DISC1: variants seen among roughly 807,000 people sequenced by gnomAD.
DISC1 encodes the protein disrupted in schizophrenia 1 protein.
DISC1 carries 57 observed loss-of-function variants against 84.5 expected under a neutral mutation model. That is an observed-to-expected ratio of 0.67 (90% confidence interval 0.55 to 0.84). The LOEUF (loss-of-function observed/expected upper bound fraction) is 0.84, where lower values mean the gene tolerates loss of function less well. DISC1 is among the 40% of genes least tolerant of loss of function. The probability of loss-of-function intolerance (pLI) is 0.00; values close to 1 mark genes in which losing one functional copy is unlikely to be tolerated. For missense variants in DISC1, 1,000 were observed against 1,057.8 expected (o/e 0.95, Z 0.76); for synonymous variants, 411 against 415.2 (o/e 0.99, Z 0.12).
chr1:231,818,856 T>C (rs1346431457), intron 9 of DISC1: 6 of 1,115,634 alleles, frequency 5.4e-6, no homozygotes, highest in Non-Finnish European at 6.6e-6. Context: ...TTTTGTCCCT[T>C]GGCTCCGTCT....
rs10570768 is a variant in DISC1 at position 231,855,253 on chromosome 1, AAG to A, written c.1981+36739_1981+36740del. ...TTTACACTGTACTGTAAAGAATCAC[AAG>A]AGTGTCTCATAAATAACTTTCTATA... On this transcript the variant is annotated intron_variant, in intron 9 of 12. Transcript: ENST00000439617. 12,007 of 976,412 alleles carry A rather than the reference AAG, an allele frequency of 0.012. 1,050 individuals are homozygous for A. In the African/African-American group the frequency reaches 0.19, roughly 15 times the overall value. 60.5% of individuals were successfully genotyped at this position (976,412 alleles called of 1,614,324 possible).
intron 8 of DISC1, among the ~76,000 whole-genome samples, chr1:231,810,552 C>T (rs1385935201): frequency 6.6e-6 from 1 of 152,174 alleles, no homozygotes. Flanking sequence ...CTTGCTACAG[C>T]AAGGGAGTCA....
At position 231,626,891 on chromosome 1, in the gene DISC1, C is replaced by A; in HGVS notation, c.24C>A (p.Gly8=). 1 of 1,497,876 alleles carries A rather than the reference C, an allele frequency of 6.7e-7. No homozygotes were observed. The highest frequency in any genetic ancestry group is 8.8e-7 in the Non-Finnish European group (1 of 1,132,444). 92.8% of individuals were successfully genotyped at this position (1,497,876 alleles called of 1,614,324 possible). A position where few individuals can be genotyped will look rare whatever the true frequency, so the allele number is the denominator to read the frequency against. ...GCATGCCAGGCGGGGGTCCTCAGGG[C>A]GCCCCAGCCGCCGCCGGCGGCGGCG... The part of the protein sequence containing the change: MPGGGPQ[G]APAAAGGGGV... The change falls in exon 1 of 13, where the codon GGC becomes GGA. Residue 8 remains glycine (G), a synonymous_variant. Transcript: ENST00000439617.
chr1:232,022,747 A>AT (rs1395377742), intron 11 of DISC1, among the ~76,000 whole-genome samples: 1 of 152,214 alleles, frequency 6.6e-6, no homozygotes, highest in Non-Finnish European at 1.5e-5. Context: ...GTCTAAACTA[A>AT]TTCTATTCTC....
At chr1:231,744,003 CTGGTGTA>C (rs1030876649) in intron 3 of DISC1, among the ~76,000 whole-genome samples, 2 of 152,086 alleles carry the variant, frequency 1.3e-5, no homozygotes, top group African/African-American at 4.8e-5. Context: ...TTACTCTCTG[CTGGTGTA>C]TGATAAAAGG....
At chr1:231,930,851 G>A (rs2090614372) in intron 9 of DISC1, among the ~76,000 whole-genome samples, 1 of 152,196 alleles carries the variant, frequency 6.6e-6, no homozygotes, top group Admixed American at 6.5e-5. Context: ...TTACAAGCCA[G>A]ATGCAAGTCT....
intron 9 of DISC1, among the ~76,000 whole-genome samples, chr1:231,955,823 C>G (rs1312598596): frequency 6.6e-6 from 1 of 152,114 alleles, no homozygotes; most frequent in Non-Finnish European, 1.5e-5. Context: ...GCATTTGACC[C>G]ACCAGGAAAG....
intron 4 of DISC1, among the ~76,000 whole-genome samples, chr1:231,763,704 C>T (rs2075958629): frequency 6.6e-6 from 1 of 152,142 alleles, no homozygotes; most frequent in South Asian, 2.1e-4. Context: ...AAGAGTCTCC[C>T]CCAGCTTTAA....
chr1:231,762,510 T>C (rs1451729079), intron 4 of DISC1, among the ~76,000 whole-genome samples: 1 of 45,184 alleles, frequency 2.2e-5, no homozygotes, highest in African/African-American at 6.1e-5. Context: ...TTTAGTTTTG[T>C]TTTGTTTTTT....
intron 10 of DISC1, among the ~76,000 whole-genome samples, chr1:231,989,883 C>T (rs770312824): frequency 3.9e-5 from 6 of 152,190 alleles, no homozygotes; most frequent in East Asian, 1.9e-4. Context: ...TCTTACCTAA[C>T]GCTGTGCGAC....
At position 231,748,845 on chromosome 1, in the gene DISC1, A is replaced by G. The variant is rs561675753; in HGVS notation, c.1118-1081A>G. 3.9e-3 allele frequency among the ~76,000 whole-genome samples: 592 copies of G among 152,240 alleles called. 5 individuals are homozygous for G. The highest frequency in any genetic ancestry group is 5.5e-3 in the Non-Finnish European group (376 of 68,022). On this transcript the variant is annotated intron_variant, in intron 3 of 12. Coordinates refer to ENST00000439617, the MANE Select transcript of DISC1 (RefSeq NM_018662.3). ...TTAAAGGTTCAACAGAGGGTGTGGG[A>G]TAGGGGTAGGGAGTGCATACCTTAT...
chr1:231,784,953 A>G (rs754218224), intron 6 of DISC1, among the ~76,000 whole-genome samples: 1 of 152,186 alleles, frequency 6.6e-6, no homozygotes, highest in Non-Finnish European at 1.5e-5. Flanking sequence ...TGATGAATTT[A>G]TGTACCCTGT....
Position 231,897,645 on chromosome 1 carries a change from G to A in DISC1, c.1982-61183G>A, listed in dbSNP as rs1340439235. Among the ~76,000 whole-genome samples, 3 of 152,168 alleles carry A rather than the reference G, an allele frequency of 2.0e-5. No homozygotes were observed. Among genetic ancestry groups the A allele is most frequent in the African/African-American group, 7.2e-5 (3 of 41,508 alleles). ...GCTGCTGTCAGTGCTCTGACACAAA[G>A]TTTCCCATCTGATTTTGAGCTGGTC... is the stretch of plus-strand genomic sequence containing the variant. On this transcript the variant is annotated intron_variant, in intron 9 of 12. Transcript: ENST00000439617. This position sits in a 1 kb window ranked among gnomAD's most constrained non-coding sequence, Gnocchi z 4.5.
chr1:231,739,261 C>T lies in DISC1; in HGVS notation c.1118-10665C>T, dbSNP rs55884439. ...ATTAGAATCTTTTCTACCCTTCCCC[C>T]TTTCCATGATTATATGAACATTCTC... is the stretch of plus-strand genomic sequence containing the variant. On this transcript the variant is annotated intron_variant, in intron 3 of 12. Transcript: ENST00000439617. Among the ~76,000 whole-genome samples the T allele has an allele frequency of 2.3e-3, 346 of 152,356 alleles. 1 individual carries two copies. Among genetic ancestry groups the T allele is most frequent in the Non-Finnish European group, 3.8e-3 (260 of 68,032 alleles).
chr1:232,001,839 G>A lies in DISC1; in HGVS notation c.2043-6946G>A, dbSNP rs144206801. ...CCTAAGGCAAGGCAAAGATTTCCAAGACTCGACATTAGAAGCACAATCAAG... is the reference window on the plus strand; with the variant it reads ...CCTAAGGCAAGGCAAAGATTTCCAAAACTCGACATTAGAAGCACAATCAAG... On this transcript the variant is annotated intron_variant, in intron 10 of 12. Transcript: ENST00000439617. 7.9e-3 allele frequency among the ~76,000 whole-genome samples: 1,208 copies of A among 152,242 alleles called. 8 individuals are homozygous for A. Among genetic ancestry groups the A allele is most frequent in the Non-Finnish European group, 0.011 (757 of 68,010 alleles).
rs529085987 is a variant in DISC1, at chr1:231,904,094, A to G, written c.1982-54734A>G. Among the ~76,000 whole-genome samples, 7 of 152,268 alleles carry G rather than the reference A, an allele frequency of 4.6e-5. No individual in the cohort carries two copies. In the East Asian group the frequency reaches 1.4e-3, roughly 29 times the overall value. On this transcript the variant is annotated intron_variant, in intron 9 of 12. Coordinates refer to ENST00000439617, the MANE Select transcript of DISC1 (RefSeq NM_018662.3). ...GAAGCTCAGTCCTCTCTCTTCAATGATCCATGCTTCTGTCCTGGTTCTTCA... is the reference window on the plus strand; with the variant it reads ...GAAGCTCAGTCCTCTCTCTTCAATGGTCCATGCTTCTGTCCTGGTTCTTCA...
At chr1:231,845,424 G>A (rs1376718468) in intron 9 of DISC1, among the ~76,000 whole-genome samples, 1 of 152,118 alleles carries the variant, frequency 6.6e-6, no homozygotes, top group African/African-American at 2.4e-5. Context: ...AGGAGAGTGG[G>A]GAAAGGTCTG....
intron 3 of DISC1, among the ~76,000 whole-genome samples, chr1:231,731,614 A>G (rs1573336328): frequency 6.6e-6 from 1 of 152,098 alleles, no homozygotes; most frequent in Admixed American, 6.6e-5. Flanking sequence ...TTATATTTTT[A>G]TTAATATATC....
chr1:231,644,377 C>T (rs137921695), intron 1 of DISC1, among the ~76,000 whole-genome samples: 4 of 152,272 alleles, frequency 2.6e-5, no homozygotes, highest in Non-Finnish European at 5.9e-5. Flanking sequence ...GGCTAGCAGC[C>T]GGAAAGCTAC....
Sources: allele counts gnomAD v4.1 joint callset (sites outside exome capture counted in the v4.1 genomes callset), GRCh38; gene constraint gnomAD v4.1.1; non-coding constraint Gnocchi (gnomAD v3.1); transcripts MANE v1.5; gene names NCBI Gene and HGNC (gene_info 2026-07-23, HGNC 2026-07-21).